ZNF407: variants seen among roughly 807,000 people sequenced by gnomAD.
ZNF407 encodes zinc finger protein 407.
In ZNF407, 17 loss-of-function variants were observed where a neutral mutation model predicts 131.2. That is an observed-to-expected ratio of 0.13 (90% CI 0.09 to 0.19). The LOEUF is 0.19. ZNF407 is among the 10% of genes least tolerant of loss of function. The pLI is 1.00. For synonymous variants in ZNF407, 1,156 were observed against 1,062.0 expected, an observed-to-expected ratio of 1.09 and a Z score of -1.72; for missense variants, 2,681 against 2,830.6, an observed-to-expected ratio of 0.95 and a Z score of 1.20.
intron 8 of ZNF407, among the ~76,000 whole-genome samples, chr18:74,977,584 C>T (rs1972541792): frequency 6.6e-6 from 1 of 152,194 alleles, no homozygotes; most frequent in South Asian, 2.1e-4. Context: ...GAAGATTAAT[C>T]TTATAAGCCT....
chr18:74,767,342 C>T (rs1029004596), intron 3 of ZNF407, among the ~76,000 whole-genome samples: 2 of 152,024 alleles, frequency 1.3e-5, no homozygotes, highest in African/African-American at 4.8e-5. Flanking sequence ...TGCATCTCGC[C>T]AATGTTGCGG....
At position 74,781,440 on chromosome 18, in the gene ZNF407, A is replaced by C. The variant is rs73971177; in HGVS notation, c.4815A>C (p.Val1605=). The change falls in exon 4 of 9, where the codon GTA becomes GTC. Residue 1605 remains valine (V), a synonymous_variant. Transcript: ENST00000299687. ...GTTTATTTTTTAGGGTTGCTTTTGT[A>C]ATGAAGAAGCACTTAAATACTCATC... is the stretch of plus-strand genomic sequence containing the variant. ...YKCHVCGVAF[V]MKKHLNTHLL... is the part of the protein sequence containing the mutation. The C allele has an allele frequency of 2.4e-4, 363 of 1,543,244 alleles. No individual in the cohort carries two copies. The African/African-American group carries it at 4.5e-3, about 19-fold the overall frequency.
At chr18:74,773,858 T>C (rs916197985) in intron 3 of ZNF407, among the ~76,000 whole-genome samples, 7 of 152,200 alleles carry the variant, frequency 4.6e-5, no homozygotes, top group African/African-American at 9.6e-5. Context: ...GGGCTTAGAC[T>C]CCATGATACT....
At chr18:74,790,431 C>A (rs1450062264) in intron 4 of ZNF407, among the ~76,000 whole-genome samples, 2 of 152,166 alleles carry the variant, frequency 1.3e-5, no homozygotes, top group Non-Finnish European at 2.9e-5. Flanking sequence ...TTTCTACTAC[C>A]ATTTAGTCTG....
intron 7 of ZNF407, among the ~76,000 whole-genome samples, chr18:74,912,955 T>G (rs1312355677): frequency 6.6e-6 from 1 of 152,196 alleles, no homozygotes; most frequent in Non-Finnish European, 1.5e-5. Context: ...AGATAACCTC[T>G]TTGATTACAA....
chr18:74,741,478 T>A (rs576887591), intron 3 of ZNF407, among the ~76,000 whole-genome samples: 1 of 152,294 alleles, frequency 6.6e-6, no homozygotes, highest in South Asian at 2.1e-4. Context: ...TGGACTAGAC[T>A]GTAATGAAAA....
At chr18:74,743,017 G>A (rs973196920) in intron 3 of ZNF407, among the ~76,000 whole-genome samples, 6 of 152,304 alleles carry the variant, frequency 3.9e-5, no homozygotes, top group South Asian at 2.1e-4. Flanking sequence ...AGATTCAGGG[G>A]TGTGAGGAGG....
At position 74,635,289 on chromosome 18, in the gene ZNF407, G is replaced by C. The variant is rs1417281625; in HGVS notation, c.4270G>C (p.Asp1424His). 1 of 1,614,070 alleles carries C rather than the reference G, an allele frequency of 6.2e-7. No individual in the cohort carries two copies. Residue 1424 changes from aspartate to histidine, a missense_variant, in exon 2 of 9, where the codon GAT (aspartate) becomes CAT (histidine). Around this residue, in one of 6 missense-constraint regions of ZNF407, gnomAD observed 1,789 missense variants for 1,748.7 expected, o/e 1.02. Transcript: ENST00000299687. This position sits in a 1 kb window ranked among gnomAD's most constrained non-coding sequence, Gnocchi z 4.7. The stretch of plus-strand genomic sequence containing the variant: ...CTGTGATGATTGTGGCTTCTTAGCA[G>C]ATGGACTGAGTGGACTGAATGTTCA... ...IRCDDCGFLA[D>H]GLSGLNVHIA...
chr18:74,639,640 T>C (rs138684844), intron 2 of ZNF407, among the ~76,000 whole-genome samples: 69 of 152,348 alleles, frequency 4.5e-4, no homozygotes, highest in African/African-American at 1.6e-3. Context: ...AAATATATTT[T>C]ACATCTACTT....
chr18:74,880,957 G>C, intron 5 of ZNF407, 79 bp from the exon 6 acceptor site: 1 of 1,205,574 alleles, frequency 8.3e-7, no homozygotes, highest in Non-Finnish European at 1.2e-6. Flanking sequence ...GGAGGAATTA[G>C]TAACCCTGAA....
chr18:74,706,159 A>T (rs1265769089), intron 3 of ZNF407, among the ~76,000 whole-genome samples: 1 of 152,230 alleles, frequency 6.6e-6, no homozygotes, highest in Non-Finnish European at 1.5e-5. Context: ...TGCAAAAATG[A>T]GAATTCTACC....
At chr18:74,797,359 A>G (rs1162458981) in intron 4 of ZNF407, among the ~76,000 whole-genome samples, 2 of 152,232 alleles carry the variant, frequency 1.3e-5, no homozygotes, top group African/African-American at 4.8e-5. Context: ...CCAAATTTCA[A>G]TTTAGTGGCA....
In ZNF407 at chr18:74,885,763, T is replaced by C. The variant is rs368761554; in HGVS notation, c.5129-4155T>C. Among the ~76,000 whole-genome samples, 103 of 152,292 alleles carry C rather than the reference T, an allele frequency of 6.8e-4. 4 individuals carry two copies. In the South Asian group the frequency reaches 0.02, roughly 30 times the overall value. On this transcript the variant is annotated intron_variant, in intron 6 of 8. Coordinates refer to ENST00000299687, the MANE Select transcript of ZNF407 (RefSeq NM_017757.3). Reference sequence around the variant, plus strand: ...ATGTTGGAGCAGTTGGCTATCTATGTGCAATGAAAATGAACTTTGACCCAT... The same window carrying C: ...ATGTTGGAGCAGTTGGCTATCTATGCGCAATGAAAATGAACTTTGACCCAT...
intron 4 of ZNF407, among the ~76,000 whole-genome samples, chr18:74,875,654 T>A (rs552109001): frequency 6.6e-6 from 1 of 152,260 alleles, no homozygotes; most frequent in African/African-American, 2.4e-5. Context: ...TATACGGACG[T>A]GATTTTTTTT....
intron 3 of ZNF407, among the ~76,000 whole-genome samples, chr18:74,659,072 C>G (rs554817076): frequency 1.3e-5 from 2 of 152,156 alleles, no homozygotes; most frequent in Non-Finnish European, 2.9e-5. Flanking sequence ...GTATTTAAAG[C>G]TCATGGATTT....
In ZNF407 at chr18:74,633,571, C is replaced by T. The variant is rs377128271; in HGVS notation, c.2552C>T (p.Thr851Met). The change falls in exon 2 of 9, where the codon ACG becomes ATG. Residue 851 changes from threonine (T) to methionine (M), a missense_variant. Transcript: ENST00000299687. ...RGRPKGNISRTCSHCGLLASS... is the reference protein window; with the variant it reads ...RGRPKGNISRMCSHCGLLASS... ...AGACCTAAAGGTAACATCTCACGGA[C>T]GTGTTCACACTGTGGCCTTTTGGCC... 236 of 1,613,888 alleles carry T rather than the reference C, an allele frequency of 1.5e-4. No homozygotes were observed. The highest frequency in any genetic ancestry group is 1.9e-4 in the Non-Finnish European group (224 of 1,179,894).
At chr18:74,984,619 A>G (rs889475509) in intron 8 of ZNF407, among the ~76,000 whole-genome samples, 7 of 152,248 alleles carry the variant, frequency 4.6e-5, no homozygotes, top group Admixed American at 1.3e-4. Flanking sequence ...TTAATAACCA[A>G]CTATGTGCCA....
rs116026831 is a variant in ZNF407, at chr18:74,705,851, G to A, written c.4802+64729G>A. On this transcript the variant is annotated intron_variant, in intron 3 of 8. Coordinates refer to ENST00000299687, the MANE Select transcript of ZNF407 (RefSeq NM_017757.3). Reference sequence around the variant, plus strand: ...AGAACAAACTATGCATATAAAATACGAAACTATGGTTACTATGTATAGATC... The same window carrying A: ...AGAACAAACTATGCATATAAAATACAAAACTATGGTTACTATGTATAGATC... 3.0e-3 allele frequency among the ~76,000 whole-genome samples: 463 copies of A among 152,216 alleles called. 4 individuals are homozygous for A. Among genetic ancestry groups the A allele is most frequent in the Middle Eastern group, 0.014 (4 of 294 alleles).
chr18:74,742,541 T>C (rs1301565377), intron 3 of ZNF407, among the ~76,000 whole-genome samples: 1 of 152,220 alleles, frequency 6.6e-6, no homozygotes, highest in African/African-American at 2.4e-5. Flanking sequence ...TATTTGTTGA[T>C]TGAGTACTCA....
Sources: gnomAD v4.1 joint callset for allele counts (sites outside exome capture counted in the v4.1 genomes callset) on GRCh38, gnomAD v4.1.1 for gene constraint, gnomAD v4.1.1 regional missense constraint, Gnocchi (gnomAD v3.1) non-coding constraint, MANE v1.5 for transcripts, NCBI Gene and HGNC (gene_info 2026-07-23, HGNC 2026-07-21) for gene names.